Variants in FHOD3 observed in about 807,000 individuals in gnomAD.
FHOD3 encodes the protein formin homology 2 domain containing 3.
Under a neutral mutation model 173.0 loss-of-function variants are expected in FHOD3, and 90 were observed. The observed-to-expected ratio is 0.52, with a 90% CI of 0.44 to 0.62. FHOD3 has a LOEUF of 0.62. FHOD3 is among the 20% of genes least tolerant of loss of function. The pLI is 0.00. For missense variants in FHOD3, 1,945 were observed against 2,034.7 expected, an observed-to-expected ratio of 0.96 and a Z score of 0.85; for synonymous variants, 828 against 823.0, an observed-to-expected ratio of 1.01 and a Z score of -0.10.
intron 6 of FHOD3, among the ~76,000 whole-genome samples, chr18:36,590,151 C>T (rs4799425): frequency 0.37 from 56,075 of 151,958 alleles, 10,607 homozygotes; most frequent in East Asian, 0.55. Context: ...TCTCAGCAGA[C>T]GTGGGCTGTG....
At chr18:36,677,414 G>A (rs2037934777) in intron 14 of FHOD3, among the ~76,000 whole-genome samples, 1 of 152,130 alleles carries the variant, frequency 6.6e-6, no homozygotes, top group Non-Finnish European at 1.5e-5. Context: ...CTCCCAAAGT[G>A]CTGGGATTAC....
intron 10 of FHOD3, among the ~76,000 whole-genome samples, chr18:36,640,032 C>G (rs1221272090): frequency 1.3e-5 from 2 of 152,014 alleles, no homozygotes; most frequent in African/African-American, 4.8e-5. Context: ...TATGCTTGAC[C>G]CTTTAATATT....
intron 10 of FHOD3, among the ~76,000 whole-genome samples, chr18:36,642,093 C>T (rs1473266735): frequency 2.0e-5 from 3 of 151,900 alleles, no homozygotes; most frequent in Admixed American, 2.0e-4. Context: ...ATGATGAGAA[C>T]ACATGGACAC....
chr18:36,721,689 C>T (rs958914077), intron 19 of FHOD3, among the ~76,000 whole-genome samples: 1 of 152,190 alleles, frequency 6.6e-6, no homozygotes, highest in Non-Finnish European at 1.5e-5. Flanking sequence ...CACTGGAGAG[C>T]TGAATCCATT....
chr18:36,306,693 GT>G (rs202246783), intron 1 of FHOD3, among the ~76,000 whole-genome samples: 2 of 152,000 alleles, frequency 1.3e-5, no homozygotes, highest in Non-Finnish European at 2.9e-5. Context: ...TTTTGTTTTT[GT>G]TTTTTTTAAA....
intron 3 of FHOD3, among the ~76,000 whole-genome samples, chr18:36,445,054 G>A (rs2051388315): frequency 6.6e-6 from 1 of 152,216 alleles, no homozygotes; most frequent in Non-Finnish European, 1.5e-5. Context: ...ATCTGAAGAA[G>A]ACAGGCTGTG....
At chr18:36,309,274 G>A (rs561295148) in intron 1 of FHOD3, among the ~76,000 whole-genome samples, 7 of 152,242 alleles carry the variant, frequency 4.6e-5, no homozygotes, top group Non-Finnish European at 7.4e-5. Flanking sequence ...GGGGAAGAGC[G>A]TTGTGAGCTT....
At chr18:36,358,246 C>T (rs9967260) in intron 2 of FHOD3, among the ~76,000 whole-genome samples, 7,357 of 152,288 alleles carry the variant, frequency 0.048, 354 homozygotes, top group African/African-American at 0.11. Flanking sequence ...TACATTGGCA[C>T]CTTTGGTGGC....
chr18:36,624,664 CAG>C (rs1452639075), intron 9 of FHOD3, among the ~76,000 whole-genome samples: 2 of 143,556 alleles, frequency 1.4e-5, no homozygotes, highest in Admixed American at 1.5e-4. Context: ...CACCTAGACA[CAG>C]GGCTAAAAAT....
At chr18:36,395,152 G>GT (rs76356746) in intron 3 of FHOD3, among the ~76,000 whole-genome samples, 2,931 of 147,686 alleles carry the variant, frequency 0.02, 34 homozygotes, top group African/African-American at 0.035. Context: ...AACAGTTTAG[G>GT]TTTTTTTTTT....
At chr18:36,612,579 T>G (rs563384835) in intron 9 of FHOD3, among the ~76,000 whole-genome samples, 1 of 152,322 alleles carries the variant, frequency 6.6e-6, no homozygotes, top group South Asian at 2.1e-4. Context: ...ACTCTTCACT[T>G]TCTTCTGTGG....
intron 28 of FHOD3, among the ~76,000 whole-genome samples, chr18:36,772,959 C>T (rs924073885): frequency 1.3e-5 from 2 of 152,214 alleles, no homozygotes; most frequent in Admixed American, 6.5e-5. Context: ...GCACAAGACA[C>T]AGGACAAGAG....
At chr18:36,584,980 G>T (rs2058978957) in intron 6 of FHOD3, among the ~76,000 whole-genome samples, 1 of 151,940 alleles carries the variant, frequency 6.6e-6, no homozygotes, top group South Asian at 2.1e-4. Context: ...CTTTTCTTCT[G>T]ATTTTTTAAA....
At chr18:36,704,285 C>T (rs4420602) in intron 17 of FHOD3, among the ~76,000 whole-genome samples, 79,556 of 152,148 alleles carry the variant, frequency 0.52, 21,002 homozygotes, top group South Asian at 0.57. Flanking sequence ...GATGCTGAGA[C>T]CCCATCGATC....
intron 3 of FHOD3, among the ~76,000 whole-genome samples, chr18:36,415,938 C>T (rs1402764474): frequency 6.6e-6 from 1 of 152,194 alleles, no homozygotes; most frequent in Non-Finnish European, 1.5e-5. Context: ...CTTTCTCTTC[C>T]AGACTGCTTA....
chr18:36,716,754 TTGAC>T (rs945873744), intron 18 of FHOD3, among the ~76,000 whole-genome samples: 3 of 152,168 alleles, frequency 2.0e-5, no homozygotes, highest in African/African-American at 7.2e-5. Flanking sequence ...ATAGCTCCCT[TTGAC>T]TGGGTCCAAG....
At chr18:36,588,026 T>C (rs572050472) in intron 6 of FHOD3, among the ~76,000 whole-genome samples, 2 of 152,346 alleles carry the variant, frequency 1.3e-5, no homozygotes, top group East Asian at 3.9e-4. Flanking sequence ...CTGGTGGATG[T>C]GCCAACCATA....
intron 8 of FHOD3, among the ~76,000 whole-genome samples, chr18:36,610,251 G>A (rs894552305): frequency 6.6e-6 from 1 of 152,226 alleles, no homozygotes; most frequent in African/African-American, 2.4e-5. Flanking sequence ...ATCTCTAATT[G>A]TTCACCCTGC....
intron 3 of FHOD3, among the ~76,000 whole-genome samples, chr18:36,467,593 A>G (rs1041272892): frequency 6.6e-6 from 1 of 152,058 alleles, no homozygotes; most frequent in Non-Finnish European, 1.5e-5. Flanking sequence ...CTGGACTCAA[A>G]TCCCAGCTCA....
Sources: gnomAD v4.1 joint callset for allele counts (sites outside exome capture counted in the v4.1 genomes callset) on GRCh38, gnomAD v4.1.1 for gene constraint, MANE v1.5 for transcripts, NCBI Gene and HGNC (gene_info 2026-07-23, HGNC 2026-07-21) for gene names.